The following PTPN21 variants were observed in gnomAD, a reference collection of about 807,000 sequenced individuals.
PTPN21 encodes protein tyrosine phosphatase non-receptor type 21, also known as tyrosine-protein phosphatase non-receptor type 21.
A neutral mutation model predicts 131.8 loss-of-function variants in PTPN21; 77 were observed. That is an observed-to-expected ratio of 0.58 (90% confidence interval 0.49 to 0.71). PTPN21 has a LOEUF of 0.71. Ranked by LOEUF, PTPN21 falls within the 30% of genes least tolerant of loss-of-function variation. PTPN21 has a pLI of 0.00. For missense variants in PTPN21, 1,552 were observed against 1,527.1 expected, an observed-to-expected ratio of 1.02 and a Z score of -0.27; for synonymous variants, 715 against 621.3, an observed-to-expected ratio of 1.15 and a Z score of -2.24.
At position 88,480,197 on chromosome 14, in the gene PTPN21, G is replaced by A; in HGVS notation, c.1234C>T (p.Pro412Ser). 6.2e-7 allele frequency: 1 copy of A among 1,614,188 alleles called. No individual in the cohort carries two copies. Among genetic ancestry groups the A allele is most frequent in the South Asian group, 1.1e-5 (1 of 91,082 alleles). The part of the protein sequence containing the change: ...SLNNPQPYLQ[P>S]SPMSSNPSIT... Reference sequence around the variant, plus strand: ...CTAGGGTTGGACGACATCGGCGAGGGCTGCAAGTAGGGCTGAGGATTATTT... The same window carrying A: ...CTAGGGTTGGACGACATCGGCGAGGACTGCAAGTAGGGCTGAGGATTATTT... The change falls in exon 13 of 19, where the codon CCC (proline) becomes TCC (serine). Residue 412 changes from proline to serine, a missense_variant. Pro to Ser is a moderately conservative substitution (Grantham distance 74). Coordinates refer to ENST00000556564, the MANE Select transcript of PTPN21 (RefSeq NM_007039.4).
chr14:88,541,437 G>A (rs1395451116), intron 2 of PTPN21, among the ~76,000 whole-genome samples: 2 of 152,228 alleles, frequency 1.3e-5, no homozygotes, highest in Non-Finnish European at 2.9e-5. Context: ...CACATAAAGT[G>A]TGTATCTGAC....
At position 88,485,534 on chromosome 14, in the gene PTPN21, A is replaced by G. The variant is rs565519658; in HGVS notation, c.993+248T>C. Among the ~76,000 whole-genome samples, 265 of 152,192 alleles carry G rather than the reference A, an allele frequency of 1.7e-3. 1 individual carries two copies. Among genetic ancestry groups the G allele is most frequent in the African/African-American group, 5.8e-3 (243 of 41,556 alleles). On this transcript the variant is annotated intron_variant, in intron 11 of 18. Coordinates refer to ENST00000556564, the MANE Select transcript of PTPN21 (RefSeq NM_007039.4). Reference sequence around the variant, plus strand: ...TATTTTAAATATATACCAACTTAGGATTACTCTTGGCCAATAGTCTAAGTT... The same window carrying G: ...TATTTTAAATATATACCAACTTAGGGTTACTCTTGGCCAATAGTCTAAGTT...
At chr14:88,470,164 AAGT>A (rs1353436402) in intron 15 of PTPN21, 114 bp from the exon 16 acceptor site, 13 of 967,752 alleles carry the variant, frequency 1.3e-5, no homozygotes, top group Non-Finnish European at 2.0e-5. Flanking sequence ...AAAAGTAAAA[AAGT>A]AGTAAACTGG....
At position 88,542,395 on chromosome 14, in the gene PTPN21, T is replaced by C. The variant is rs950036907; in HGVS notation, c.180+7843A>G. On this transcript the variant is annotated intron_variant, in intron 2 of 18. Coordinates refer to ENST00000556564, the MANE Select transcript of PTPN21 (RefSeq NM_007039.4). ...CATGTCCACCATTTTGTAATTCACC[T>C]TACAAATCTCGAATGAGTAAATTCA... Among the ~76,000 whole-genome samples the C allele has an allele frequency of 4.6e-5, 7 of 152,314 alleles. No individual in the cohort carries two copies. The South Asian group carries it at 1.4e-3, about 32-fold the overall frequency.
chr14:88,511,534 T>C (rs2139297391), intron 3 of PTPN21, among the ~76,000 whole-genome samples: 1 of 152,186 alleles, frequency 6.6e-6, no homozygotes, highest in Non-Finnish European at 1.5e-5. Context: ...TAGCCGGGCA[T>C]GGTCGTGGGC....
At chr14:88,488,188 TTC>T (rs1331941425) in intron 10 of PTPN21, among the ~76,000 whole-genome samples, 1 of 152,132 alleles carries the variant, frequency 6.6e-6, no homozygotes, top group African/African-American at 2.4e-5. Flanking sequence ...GCCAACAGAA[TTC>T]TCTGTCAACA....
intron 2 of PTPN21, among the ~76,000 whole-genome samples, chr14:88,529,947 C>A (rs2078531360): frequency 6.6e-6 from 1 of 150,946 alleles, no homozygotes; most frequent in African/African-American, 2.4e-5. Flanking sequence ...ACACCATGCA[C>A]TTCAGTCTGG....
intron 4 of PTPN21, among the ~76,000 whole-genome samples, chr14:88,506,040 C>T (rs553273811): frequency 3.9e-5 from 6 of 152,100 alleles, no homozygotes; most frequent in African/African-American, 1.4e-4. Flanking sequence ...GAAATAATGC[C>T]CCATCAGAAA....
intron 12 of PTPN21, 26 bp from the exon 13 acceptor site, chr14:88,480,378 AT>A (rs769685631): frequency 1.3e-6 from 2 of 1,532,882 alleles, no homozygotes; most frequent in Non-Finnish European, 9.0e-7. Flanking sequence ...TCAAAATGAG[AT>A]TTTTTTAAAT....
At position 88,548,110 on chromosome 14, in the gene PTPN21, T is replaced by C. The variant is rs546345489; in HGVS notation, c.180+2128A>G. On this transcript the variant is annotated intron_variant, in intron 2 of 18. Transcript: ENST00000556564. ...ATGCTAACCCTTCTCTATTACTCGG[T>C]AGGTCCTGATCCAGATTCCAACCAC... Among the ~76,000 whole-genome samples, 23 of 152,254 alleles carry C rather than the reference T, an allele frequency of 1.5e-4. 1 individual carries two copies. Among genetic ancestry groups the C allele is most frequent in the African/African-American group, 5.3e-4 (22 of 41,532 alleles).
intron 2 of PTPN21, among the ~76,000 whole-genome samples, chr14:88,517,652 G>GTATATATACATGTGTATATATACA (rs6145435): frequency 7.2e-6 from 1 of 139,216 alleles, no homozygotes; most frequent in African/African-American, 2.7e-5. Flanking sequence ...TCATATATAT[G>GTATATATACATGTGTATATATACA]TATATATACA....
At chr14:88,526,507 A>G (rs1020603367) in intron 2 of PTPN21, among the ~76,000 whole-genome samples, 12 of 136,482 alleles carry the variant, frequency 8.8e-5, no homozygotes, top group Middle Eastern at 8.9e-3. Flanking sequence ...CCAGGATCAC[A>G]CCACTGCCCT....
chr14:88,529,678 A>G (rs1324031869), intron 2 of PTPN21, among the ~76,000 whole-genome samples: 1 of 152,134 alleles, frequency 6.6e-6, no homozygotes, highest in East Asian at 1.9e-4. Context: ...TCTAAAGTCA[A>G]GACAGAGGAA....
At chr14:88,537,043 A>C (rs953425811) in intron 2 of PTPN21, among the ~76,000 whole-genome samples, 21 of 152,252 alleles carry the variant, frequency 1.4e-4, no homozygotes, top group African/African-American at 4.8e-4. Flanking sequence ...GTTTAATTTT[A>C]ATCAGTTTTC....
chr14:88,499,951 T>C (rs978879909), intron 8 of PTPN21, among the ~76,000 whole-genome samples: 3 of 152,232 alleles, frequency 2.0e-5, no homozygotes, highest in Non-Finnish European at 4.4e-5. Flanking sequence ...TCAGTTACTA[T>C]TAGCACATCG....
chr14:88,549,931 G>A (rs984634434), intron 2 of PTPN21, among the ~76,000 whole-genome samples: 2 of 151,666 alleles, frequency 1.3e-5, no homozygotes, highest in Non-Finnish European at 2.9e-5. Flanking sequence ...CCCTACAGGC[G>A]CCCACCACCA....
chr14:88,533,894 A>C (rs2078589760), intron 2 of PTPN21, among the ~76,000 whole-genome samples: 1 of 152,116 alleles, frequency 6.6e-6, no homozygotes, highest in South Asian at 2.1e-4. Context: ...AGTGAACTGG[A>C]AATCAGCCTC....
intron 2 of PTPN21, among the ~76,000 whole-genome samples, chr14:88,546,086 G>A (rs2078775356): frequency 6.6e-6 from 1 of 151,478 alleles, no homozygotes; most frequent in Non-Finnish European, 1.5e-5. Flanking sequence ...AACTACATTG[G>A]ATACATGTAT....
intron 12 of PTPN21, among the ~76,000 whole-genome samples, chr14:88,483,600 C>T (rs544683950): frequency 6.4e-4 from 98 of 152,292 alleles, no homozygotes; most frequent in African/African-American, 2.1e-3. Context: ...CAGTTCCTTA[C>T]CCGAGAGGAA....
Sources: allele counts gnomAD v4.1 joint callset (sites outside exome capture counted in the v4.1 genomes callset), GRCh38; gene constraint gnomAD v4.1.1; transcripts MANE v1.5; gene names NCBI Gene and HGNC (gene_info 2026-07-23, HGNC 2026-07-21).